Variants in VCPKMT observed in about 807,000 individuals in gnomAD.
VCPKMT encodes valosin containing protein lysine methyltransferase, also known as protein N-lysine methyltransferase METTL21D.
Under a neutral mutation model 28.6 loss-of-function variants are expected in VCPKMT, and 32 were observed. That is an observed-to-expected ratio of 1.12 (90% confidence interval 0.84 to 1.50). The LOEUF (loss-of-function observed/expected upper bound fraction) is 1.50, where lower values mean the gene tolerates loss of function less well. Among genes scored for constraint, VCPKMT ranks in the 40% most tolerant of loss-of-function variants. The probability of loss-of-function intolerance (pLI) is 0.00; values close to 1 mark genes in which losing one functional copy is unlikely to be tolerated. For synonymous variants in VCPKMT, 138 were observed against 111.4 expected (o/e 1.24, Z -1.50); for missense variants, 366 against 285.0 (o/e 1.28, Z -2.05).
intron 4 of VCPKMT, among the ~76,000 whole-genome samples, chr14:50,113,983 T>C (rs911501460): frequency 6.6e-6 from 1 of 152,096 alleles, no homozygotes; most frequent in Non-Finnish European, 1.5e-5. Context: ...CATACATCAT[T>C]GAGATGTTCC....
In VCPKMT at chr14:50,115,775, C is replaced by CT. The variant is rs1280112210; in HGVS notation, c.450+63dup. The CT allele has an allele frequency of 2.0e-6, 3 of 1,526,650 alleles. No homozygotes were observed. The African/African-American group carries it at 4.2e-5, about 21-fold the overall frequency. 94.6% of individuals were successfully genotyped at this position (1,526,650 alleles called of 1,614,324 possible). The stretch of plus-strand genomic sequence containing the variant: ...ATGTTAAAATGTGAAGAAACGTGTG[C>CT]TTTAGAATTCATGGAATAAGGTTCA... On this transcript the variant is annotated intron_variant, in intron 3 of 5. Coordinates refer to ENST00000395860, the MANE Select transcript of VCPKMT (RefSeq NM_024558.3).
At chr14:50,102,793 A>G in the VCPKMT span, among the ~76,000 whole-genome samples, 1 of 152,214 alleles carries the variant, frequency 6.6e-6, no homozygotes, top group Non-Finnish European at 1.5e-5. Context: ...AAAAAATGTG[A>G]ATTAATTCAA....
intron 5 of VCPKMT, chr14:50,111,114 C>T (rs1594936114): frequency 2.2e-6 from 2 of 896,250 alleles, no homozygotes; most frequent in Non-Finnish European, 2.7e-6. Flanking sequence ...AAATTGTACA[C>T]CTTAAAAGCG....
At position 50,108,773 on chromosome 14, in the gene VCPKMT, G is replaced by A. The variant is rs775406048; in HGVS notation, c.*926C>T. On this transcript the variant is annotated 3_prime_UTR_variant, in exon 6 of 6. Coordinates refer to ENST00000395860, the MANE Select transcript of VCPKMT (RefSeq NM_024558.3). ...CCTTGACAGATTATTGTATATGAGC[G>A]AATGGCTTCATAACATAAAACAGAG... 39 of 985,526 alleles carry A rather than the reference G, an allele frequency of 4.0e-5. No homozygotes were observed. The highest frequency in any genetic ancestry group is 4.3e-5 in the Non-Finnish European group (36 of 829,924). The allele number at this position is 985,526 out of a possible 1,614,324, so 61.0% of individuals were successfully genotyped here. A position where few individuals can be genotyped will look rare whatever the true frequency, so the allele number is the denominator to read the frequency against.
At chr14:50,107,922 T>C (rs1882389509), downstream of VCPKMT, among the ~76,000 whole-genome samples, 1 of 152,070 alleles carries the variant, frequency 6.6e-6, no homozygotes. Flanking sequence ...GTGCAGTGGC[T>C]CATGGCTAGT....
At chr14:50,109,775 T>C (rs1882518186) in intron 5 of VCPKMT, 62 bp from the exon 6 acceptor site, 1 of 1,537,990 alleles carries the variant, frequency 6.5e-7, no homozygotes, top group Middle Eastern at 1.7e-4. Flanking sequence ...ACTGGGTATT[T>C]AATAATGCCT....
At chr14:50,104,426 A>G (rs934471120), downstream of VCPKMT, among the ~76,000 whole-genome samples, 1 of 152,236 alleles carries the variant, frequency 6.6e-6, no homozygotes, top group African/African-American at 2.4e-5. Flanking sequence ...GTAAAAACTT[A>G]GCTTTTCCAT....
In VCPKMT at chr14:50,108,830, C is replaced by A. The variant is rs556716298; in HGVS notation, c.*869G>T. The A allele has an allele frequency of 2.7e-5, 27 of 985,290 alleles. No homozygotes were observed. The highest frequency in any genetic ancestry group is 3.3e-5 in the Non-Finnish European group (27 of 829,882). 61.0% of individuals were successfully genotyped at this position (985,290 alleles called of 1,614,324 possible). ...AGAACAGAAATTCATTTGGTATATACATATAGAACTACATTTGTAGTTATT... is the reference window on the plus strand; with the variant it reads ...AGAACAGAAATTCATTTGGTATATAAATATAGAACTACATTTGTAGTTATT... On this transcript the variant is annotated 3_prime_UTR_variant, in exon 6 of 6. Coordinates refer to ENST00000395860, the MANE Select transcript of VCPKMT (RefSeq NM_024558.3).
At chr14:50,107,950 G>C (rs1282918956), downstream of VCPKMT, among the ~76,000 whole-genome samples, 1 of 152,002 alleles carries the variant, frequency 6.6e-6, no homozygotes, top group Non-Finnish European at 1.5e-5. Context: ...GCACTTTCCG[G>C]GGCTAAGGAG....
At position 50,108,846 on chromosome 14, in the gene VCPKMT, T is replaced by G; in HGVS notation, c.*853A>C. On this transcript the variant is annotated 3_prime_UTR_variant, in exon 6 of 6. Coordinates refer to ENST00000395860, the MANE Select transcript of VCPKMT (RefSeq NM_024558.3). ...TGGTATATACATATAGAACTACATT[T>G]GTAGTTATTCAAAAACCTTTCACTG... The G allele has an allele frequency of 1.0e-6, 1 of 985,470 alleles. No individual in the cohort carries two copies. Among genetic ancestry groups the G allele is most frequent in the Non-Finnish European group, 1.2e-6 (1 of 829,936 alleles). 61.0% of individuals were successfully genotyped at this position (985,470 alleles called of 1,614,324 possible). A position where few individuals can be genotyped will look rare whatever the true frequency, so the allele number is the denominator to read the frequency against.
chr14:50,111,838 G>A, intron 5 of VCPKMT: 16 of 895,102 alleles, frequency 1.8e-5, no homozygotes, highest in Non-Finnish European at 2.1e-5. Flanking sequence ...GCAGCAAGCC[G>A]AGATTGCACC....
chr14:50,106,271 T>C (rs552280993), downstream of VCPKMT, among the ~76,000 whole-genome samples: 3 of 152,318 alleles, frequency 2.0e-5, no homozygotes, highest in South Asian at 4.1e-4. Context: ...ACTGCCTTAC[T>C]ATGGGGTTGC....
chr14:50,112,985 A>G (rs2139437196), intron 4 of VCPKMT, among the ~76,000 whole-genome samples: 1 of 152,224 alleles, frequency 6.6e-6, no homozygotes, highest in East Asian at 1.9e-4. Context: ...AAAGGGTTTC[A>G]CCATGTTGAC....
At chr14:50,109,909 G>A (rs1434152648) in intron 5 of VCPKMT, among the ~76,000 whole-genome samples, 196 bp from the exon 6 acceptor site, 3 of 152,180 alleles carry the variant, frequency 2.0e-5, no homozygotes, top group Non-Finnish European at 4.4e-5. Context: ...AGAAAGAACA[G>A]ATGCATTGGA....
rs1369974097 is a variant in VCPKMT at position 50,113,799 on chromosome 14, G to C, written c.570+486C>G. ...TAGTCCCACTTACTTGGGGGCGGGG[G>C]GGGGGGGGGGTGACACTGAGGCAGG... On this transcript the variant is annotated intron_variant, in intron 4 of 5. Transcript: ENST00000395860. 7.1e-5 allele frequency among the ~76,000 whole-genome samples: 6 copies of C among 84,550 alleles called. 1 individual carries two copies. The highest frequency in any genetic ancestry group is 1.5e-4 in the Non-Finnish European group (6 of 38,876). The allele number at this position is 84,550 out of a possible 152,430, so 55.5% of individuals were successfully genotyped here.
downstream of VCPKMT, among the ~76,000 whole-genome samples, chr14:50,108,473 GA>G (rs1478842732): frequency 1.3e-5 from 2 of 152,158 alleles, no homozygotes; most frequent in African/African-American, 2.4e-5. Context: ...TGGCGGGGGG[GA>G]AACCAGCAAA....
rs1882448298 is a variant in VCPKMT, at chr14:50,108,854, T to C, written c.*845A>G. 1 of 985,472 alleles carries C rather than the reference T, an allele frequency of 1.0e-6. No homozygotes were observed. The highest frequency in any genetic ancestry group is 1.2e-6 in the Non-Finnish European group (1 of 829,936). 61.0% of individuals were successfully genotyped at this position (985,472 alleles called of 1,614,324 possible). A position where few individuals can be genotyped will look rare whatever the true frequency, so the allele number is the denominator to read the frequency against. On this transcript the variant is annotated 3_prime_UTR_variant, in exon 6 of 6. Transcript: ENST00000395860. Reference sequence around the variant, plus strand: ...ACATATAGAACTACATTTGTAGTTATTCAAAAACCTTTCACTGCTTCATGT... The same window carrying C: ...ACATATAGAACTACATTTGTAGTTACTCAAAAACCTTTCACTGCTTCATGT...
At chr14:50,105,533 A>C (rs1315314347), downstream of VCPKMT, among the ~76,000 whole-genome samples, 1 of 152,204 alleles carries the variant, frequency 6.6e-6, no homozygotes. Flanking sequence ...TCAGAGGCTG[A>C]GGCAGGAGAA....
In VCPKMT at chr14:50,112,611, T is replaced by C. The variant is rs776486719; in HGVS notation, c.675+4A>G. ...GAGAATGAAGAACTGAGAATGTTAT[T>C]TACCGATTTTTTCTTTCTGATGTAT... is the stretch of plus-strand genomic sequence containing the variant. On this transcript the variant is annotated splice_donor_region_variant and intron_variant, in intron 5 of 5. Coordinates refer to ENST00000395860, the MANE Select transcript of VCPKMT (RefSeq NM_024558.3). 3 of 1,506,548 alleles carry C rather than the reference T, an allele frequency of 2.0e-6. No homozygotes were observed. In the South Asian group the frequency reaches 3.6e-5, roughly 18 times the overall value. 93.3% of individuals were successfully genotyped at this position (1,506,548 alleles called of 1,614,324 possible).
Sources: gnomAD v4.1 joint callset for allele counts (sites outside exome capture counted in the v4.1 genomes callset) on GRCh38, gnomAD v4.1.1 for gene constraint, MANE v1.5 for transcripts, NCBI Gene and HGNC (gene_info 2026-07-23, HGNC 2026-07-21) for gene names.